The following SIL1 variants were observed in gnomAD, a reference collection of about 807,000 sequenced individuals.
SIL1 encodes the protein SIL1 nucleotide exchange factor, also known as nucleotide exchange factor SIL1.
In SIL1, 40 loss-of-function variants were observed where a neutral mutation model predicts 49.1. The ratio of observed to expected loss-of-function variants is 0.81; its 90% confidence interval spans 0.63 to 1.06. The LOEUF (loss-of-function observed/expected upper bound fraction) is 1.06. SIL1 is among the 50% of genes least tolerant of loss of function. The probability of loss-of-function intolerance (pLI) is 0.00; values close to 1 mark genes in which losing one functional copy is unlikely to be tolerated. For synonymous variants in SIL1, 253 were observed against 250.8 expected, an observed-to-expected ratio of 1.01 and a Z score of -0.08; for missense variants, 500 against 572.6, an observed-to-expected ratio of 0.87 and a Z score of 1.29.
At chr5:139,075,999 G>C (rs901171583) in intron 3 of SIL1, among the ~76,000 whole-genome samples, 14 of 152,170 alleles carry the variant, frequency 9.2e-5, no homozygotes, top group African/African-American at 3.1e-4. Flanking sequence ...TGAAATTCCA[G>C]AGAAGCTAGA....
chr5:139,132,689 C>G (rs922625756), intron 1 of SIL1, among the ~76,000 whole-genome samples: 13 of 152,202 alleles, frequency 8.5e-5, no homozygotes, highest in African/African-American at 2.9e-4. Flanking sequence ...CTACAGCATG[C>G]AGGCACGGAA....
intron 1 of SIL1, among the ~76,000 whole-genome samples, chr5:139,153,029 G>T (rs1438595041): frequency 6.6e-6 from 1 of 152,158 alleles, no homozygotes; most frequent in Non-Finnish European, 1.5e-5. Context: ...TGTTGGTCAG[G>T]CTGGTCTTGA....
chr5:139,037,073 T>C (rs1768932845), intron 5 of SIL1, among the ~76,000 whole-genome samples: 1 of 151,036 alleles, frequency 6.6e-6, no homozygotes, highest in African/African-American at 2.5e-5. Context: ...GTGTCTTGAC[T>C]TCCCTTTCAC....
intron 3 of SIL1, among the ~76,000 whole-genome samples, chr5:139,109,622 G>A (rs1770797334): frequency 7.0e-6 from 1 of 142,002 alleles, no homozygotes; most frequent in Admixed American, 7.4e-5. Context: ...GAGACCAAGA[G>A]AAAACATAAC....
At chr5:139,052,238 A>G (rs527415425) in intron 3 of SIL1, among the ~76,000 whole-genome samples, 48 of 152,168 alleles carry the variant, frequency 3.2e-4, no homozygotes, top group African/African-American at 9.2e-4. Flanking sequence ...TCTATCCCCA[A>G]TCAAGATGCC....
At chr5:139,049,377 A>C (rs1769238441) in intron 4 of SIL1, among the ~76,000 whole-genome samples, 1 of 152,158 alleles carries the variant, frequency 6.6e-6, no homozygotes, top group Non-Finnish European at 1.5e-5. Flanking sequence ...GGGTTTCATC[A>C]TGTTGGCCAG....
At chr5:138,984,517 C>T (rs1767609482) in intron 7 of SIL1, among the ~76,000 whole-genome samples, 1 of 152,160 alleles carries the variant, frequency 6.6e-6, no homozygotes, top group South Asian at 2.1e-4. Flanking sequence ...TGCCACCATG[C>T]CTGGCTAATT....
intron 3 of SIL1, among the ~76,000 whole-genome samples, chr5:139,087,642 T>C (rs1035891319): frequency 2.8e-4 from 43 of 152,198 alleles, no homozygotes; most frequent in African/African-American, 1.0e-3. Flanking sequence ...TCATACTGTT[T>C]TGAGGGAGCA....
At chr5:138,951,128 C>T (rs1240766780) in intron 9 of SIL1, 43 bp downstream of exon 9, 2 of 1,599,772 alleles carry the variant, frequency 1.3e-6, no homozygotes, top group African/African-American at 1.3e-5. Context: ...CAGAAGCACA[C>T]ACAAAGCAAA....
intron 1 of SIL1, among the ~76,000 whole-genome samples, chr5:139,171,175 C>T (rs1444766854): frequency 3.3e-5 from 5 of 152,128 alleles, no homozygotes; most frequent in African/African-American, 9.7e-5. Flanking sequence ...CCCCTCTGCC[C>T]GGCCACCACC....
At chr5:139,000,307 C>T (rs934943604) in intron 7 of SIL1, among the ~76,000 whole-genome samples, 2 of 152,100 alleles carry the variant, frequency 1.3e-5, no homozygotes, top group Non-Finnish European at 2.9e-5. Context: ...GTATCCCTGA[C>T]CCAAGGCAAT....
chr5:139,042,776 A>G lies in SIL1; in HGVS notation c.354-57T>C, dbSNP rs369544886. ...GGCATGGCTAGGCTTGGTGGCTCAC[A>G]GTTGTAATCCCAGTACTCTGGGTGG... On this transcript the variant is annotated intron_variant, in intron 4 of 9. Coordinates refer to ENST00000394817, the MANE Select transcript of SIL1 (RefSeq NM_022464.5). 4.0e-6 allele frequency: 6 copies of G among 1,492,908 alleles called. No homozygotes were observed. In the African/African-American group the frequency reaches 4.2e-5, roughly 10 times the overall value. The allele number at this position is 1,492,908 out of a possible 1,614,324, so 92.5% of individuals were successfully genotyped here. A position where few individuals can be genotyped will look rare whatever the true frequency, so the allele number is the denominator to read the frequency against.
intron 3 of SIL1, among the ~76,000 whole-genome samples, chr5:139,067,454 C>T (rs1039538712): frequency 6.6e-6 from 1 of 152,184 alleles, no homozygotes; most frequent in African/African-American, 2.4e-5. Flanking sequence ...TACAACTGCT[C>T]TTTATCCTTA....
intron 7 of SIL1, among the ~76,000 whole-genome samples, chr5:138,965,602 G>A (rs973780604): frequency 6.6e-6 from 1 of 151,910 alleles, no homozygotes; most frequent in Non-Finnish European, 1.5e-5. Context: ...ACACAAAGGT[G>A]AATAAAGCAC....
chr5:139,026,994 TAAG>T lies in SIL1; in HGVS notation c.454-5_454-3del. On this transcript the variant is annotated splice_polypyrimidine_tract_variant and splice_region_variant and intron_variant, in intron 5 of 9. Coordinates refer to ENST00000394817, the MANE Select transcript of SIL1 (RefSeq NM_022464.5). Reference sequence around the variant, plus strand: ...CCGCTTTACCTCAGCCTGCCTTGCCTAAGGAGAGCAGCAAAGAGGTGATTAAAT... The same window carrying T: ...CCGCTTTACCTCAGCCTGCCTTGCCTGAGAGCAGCAAAGAGGTGATTAAAT... The T allele has an allele frequency of 6.2e-7, 1 of 1,614,138 alleles. No homozygotes were observed.
At chr5:139,053,159 T>C (rs1769330748) in intron 3 of SIL1, among the ~76,000 whole-genome samples, 1 of 151,980 alleles carries the variant, frequency 6.6e-6, no homozygotes, top group Non-Finnish European at 1.5e-5. Flanking sequence ...AAGACAATAG[T>C]CCCTTCCTGG....
chr5:139,114,960 G>A (rs189114947), intron 3 of SIL1, among the ~76,000 whole-genome samples: 94 of 152,320 alleles, frequency 6.2e-4, no homozygotes, highest in Admixed American at 1.1e-3. Flanking sequence ...GTCACACTTT[G>A]ATGAGCCGCA....
chr5:139,005,513 A>C (rs1768096271), intron 7 of SIL1, among the ~76,000 whole-genome samples: 1 of 144,984 alleles, frequency 6.9e-6, no homozygotes, highest in South Asian at 2.2e-4. Flanking sequence ...CAGGTTAGTT[A>C]CATATGTATA....
chr5:139,109,137 TA>T (rs1367092763), intron 3 of SIL1, among the ~76,000 whole-genome samples: 1 of 152,190 alleles, frequency 6.6e-6, no homozygotes, highest in Non-Finnish European at 1.5e-5. Flanking sequence ...GCCAGCTTTG[TA>T]AAAGAGCCCT....
Sources: allele counts gnomAD v4.1 joint callset (sites outside exome capture counted in the v4.1 genomes callset), GRCh38; gene constraint gnomAD v4.1.1; transcripts MANE v1.5; gene names NCBI Gene and HGNC (gene_info 2026-07-23, HGNC 2026-07-21).